PDSS2: variants seen among roughly 807,000 people sequenced by gnomAD.
The protein encoded by PDSS2 is all trans-polyprenyl-diphosphate synthase PDSS2.
In PDSS2, 31 loss-of-function variants were observed where a neutral mutation model predicts 44.5. The observed-to-expected ratio is 0.70, with a 90% CI of 0.52 to 0.94. The LOEUF (loss-of-function observed/expected upper bound fraction) is 0.94, where lower values mean the gene tolerates loss of function less well. Ranked by LOEUF, PDSS2 falls within the 40% of genes least tolerant of loss-of-function variation. The pLI, the probability that PDSS2 is intolerant of heterozygous loss-of-function variation, is 0.00. For synonymous variants in PDSS2, 157 were observed against 180.3 expected (o/e 0.87, Z 1.03); for missense variants, 452 against 482.2 (o/e 0.94, Z 0.59).
intron 1 of PDSS2, among the ~76,000 whole-genome samples, chr6:107,391,905 G>A (rs902804418): frequency 2.6e-5 from 4 of 151,274 alleles, no homozygotes; most frequent in Non-Finnish European, 4.4e-5. Flanking sequence ...TAAAAGGGGG[G>A]AAAAATCACC....
At chr6:107,274,651 T>C (rs1341153720) in intron 2 of PDSS2, among the ~76,000 whole-genome samples, 6 of 150,602 alleles carry the variant, frequency 4.0e-5, no homozygotes, top group African/African-American at 1.5e-4. Context: ...GGGCATTACA[T>C]ACATTATCTC....
At chr6:107,181,624 TCACACCTGTAATCCCAG>T (rs1251586809) in intron 7 of PDSS2, among the ~76,000 whole-genome samples, 1 of 150,786 alleles carries the variant, frequency 6.6e-6, no homozygotes, top group Non-Finnish European at 1.5e-5. Context: ...GCACCGTGGC[TCACACCTGTAATCCCAG>T]CACTTTGGGA....
At chr6:107,399,018 A>G (rs1458580979) in intron 1 of PDSS2, among the ~76,000 whole-genome samples, 2 of 152,224 alleles carry the variant, frequency 1.3e-5, no homozygotes, top group Non-Finnish European at 2.9e-5. Flanking sequence ...TATCCAAGGG[A>G]AGAAATCTTT....
chr6:107,243,347 G>T (rs1487741925), intron 4 of PDSS2, among the ~76,000 whole-genome samples: 1 of 152,110 alleles, frequency 6.6e-6, no homozygotes, highest in African/African-American at 2.4e-5. Context: ...ACTGTAAAGG[G>T]CTATCTAAGT....
chr6:107,332,416 A>G (rs1777741399), intron 2 of PDSS2, among the ~76,000 whole-genome samples: 1 of 152,086 alleles, frequency 6.6e-6, no homozygotes, highest in Admixed American at 6.6e-5. Context: ...TGTAAGGTAA[A>G]CTTTTGAGCT....
At chr6:107,399,244 C>A (rs1780036766) in intron 1 of PDSS2, among the ~76,000 whole-genome samples, 1 of 152,182 alleles carries the variant, frequency 6.6e-6, no homozygotes, top group Non-Finnish European at 1.5e-5. Flanking sequence ...TAGCCTCTAA[C>A]AAGGTACCTA....
intron 3 of PDSS2, among the ~76,000 whole-genome samples, chr6:107,266,337 C>G (rs1243437091): frequency 2.0e-5 from 3 of 151,830 alleles, no homozygotes; most frequent in African/African-American, 7.3e-5. Flanking sequence ...CAATTACAGA[C>G]CCTGGGCATG....
intron 2 of PDSS2, among the ~76,000 whole-genome samples, chr6:107,329,562 T>C (rs1192257214): frequency 3.3e-5 from 5 of 152,174 alleles, no homozygotes; most frequent in African/African-American, 9.7e-5. Context: ...GCCAGTTATA[T>C]TGAGTTAGGG....
At chr6:107,402,685 G>T (rs1403323083) in intron 1 of PDSS2, among the ~76,000 whole-genome samples, 2 of 150,530 alleles carry the variant, frequency 1.3e-5, no homozygotes, top group Non-Finnish European at 3.0e-5. Flanking sequence ...CATGTACAGG[G>T]GAATTGCCCT....
At chr6:107,242,568 A>G (rs1044189285) in intron 4 of PDSS2, among the ~76,000 whole-genome samples, 1 of 151,958 alleles carries the variant, frequency 6.6e-6, no homozygotes, top group African/African-American at 2.4e-5. Flanking sequence ...TTTAAGAGAC[A>G]AGGTCTTGCT....
chr6:107,318,743 T>G (rs1777282917), intron 2 of PDSS2, among the ~76,000 whole-genome samples: 1 of 152,078 alleles, frequency 6.6e-6, no homozygotes, highest in Non-Finnish European at 1.5e-5. Flanking sequence ...TCTCAGCACT[T>G]TGGGAGGCCA....
chr6:107,275,316 T>C (rs150622227), intron 2 of PDSS2, among the ~76,000 whole-genome samples: 445 of 152,266 alleles, frequency 2.9e-3, no homozygotes, highest in African/African-American at 0.01. Context: ...TAACGTCTTT[T>C]AATAGGTGAA....
intron 1 of PDSS2, among the ~76,000 whole-genome samples, chr6:107,438,937 C>A (rs1191603041): frequency 6.6e-6 from 1 of 152,166 alleles, no homozygotes; most frequent in East Asian, 1.9e-4. Flanking sequence ...ATACTGCCCA[C>A]AATGACTCCC....
chr6:107,312,018 A>G (rs1002724348), intron 2 of PDSS2, among the ~76,000 whole-genome samples: 2 of 152,200 alleles, frequency 1.3e-5, no homozygotes, highest in Non-Finnish European at 2.9e-5. Context: ...TGTTTCCTGG[A>G]GAAAAGGAGA....
At chr6:107,299,016 C>T (rs535707524) in intron 2 of PDSS2, among the ~76,000 whole-genome samples, 66 of 151,856 alleles carry the variant, frequency 4.3e-4, no homozygotes, top group Non-Finnish European at 2.5e-4. Flanking sequence ...TGGCACAGGC[C>T]GGTAGTCCCA....
chr6:107,297,826 A>G (rs1166470880), intron 2 of PDSS2, among the ~76,000 whole-genome samples: 1 of 151,876 alleles, frequency 6.6e-6, no homozygotes, highest in Non-Finnish European at 1.5e-5. Flanking sequence ...GCTCACTGCA[A>G]CCTCCACCTC....
rs782363733 is a variant in PDSS2, at chr6:107,154,748, A to G, written c.1071T>C (p.Gly357=). The change falls in exon 8 of 8, where the codon GGT becomes GGC. Residue 357 remains glycine (G), a synonymous_variant. Coordinates refer to ENST00000369037, the MANE Select transcript of PDSS2 (RefSeq NM_020381.4). ...GACACAGGTCAATAGCTGAAGTCAC[A>G]CCTTTGCCAGCTTTGATTCTTTCTC... The part of the protein sequence containing the change: ...KLRERIKAGK[G]VTSAIDLCRY... 2 of 1,614,206 alleles carry G rather than the reference A, an allele frequency of 1.2e-6. No homozygotes were observed. The highest frequency in any genetic ancestry group is 2.2e-5 in the South Asian group (2 of 91,086).
chr6:107,156,980 T>TA (rs1244001022), intron 7 of PDSS2, among the ~76,000 whole-genome samples: 1 of 152,160 alleles, frequency 6.6e-6, no homozygotes, highest in African/African-American at 2.4e-5. Context: ...AATCACTTCC[T>TA]AAAGAGTCTT....
intron 7 of PDSS2, among the ~76,000 whole-genome samples, chr6:107,174,894 C>T (rs1372038113): frequency 6.6e-6 from 1 of 152,038 alleles, no homozygotes; most frequent in Non-Finnish European, 1.5e-5. Context: ...ATATATAGTA[C>T]TTACTGTGTG....
Sources: allele counts gnomAD v4.1 joint callset (sites outside exome capture counted in the v4.1 genomes callset), GRCh38; gene constraint gnomAD v4.1.1; transcripts MANE v1.5; gene names NCBI Gene and HGNC (gene_info 2026-07-23, HGNC 2026-07-21).